The following SUMF1 variants were observed in gnomAD, a reference collection of about 807,000 sequenced individuals.
SUMF1 encodes the protein sulfatase modifying factor 1.
In SUMF1, 48 loss-of-function variants were observed where a neutral mutation model predicts 47.6. The observed-to-expected ratio is 1.01, with a 90% CI of 0.80 to 1.28. The LOEUF (loss-of-function observed/expected upper bound fraction) is 1.28, where lower values mean the gene tolerates loss of function less well. Ranked by LOEUF, SUMF1 falls within the 50% of genes most tolerant of loss-of-function variation. SUMF1 has a pLI of 0.00. For missense variants in SUMF1, 571 were observed against 485.4 expected (o/e 1.18, Z -1.66); for synonymous variants, 230 against 192.1 (o/e 1.20, Z -1.63).
intron 8 of SUMF1, among the ~76,000 whole-genome samples, chr3:4,124,212 T>G (rs1381747936): frequency 6.6e-6 from 1 of 152,100 alleles, no homozygotes; most frequent in Non-Finnish European, 1.5e-5. Context: ...AATAAACAGA[T>G]TTTTCTTTAA....
At chr3:4,396,965 A>G (rs1253507515) in intron 7 of SUMF1, among the ~76,000 whole-genome samples, 1 of 152,258 alleles carries the variant, frequency 6.6e-6, no homozygotes. Flanking sequence ...AACTATTAAG[A>G]GAAAACACAT....
intron 8 of SUMF1, among the ~76,000 whole-genome samples, chr3:4,151,310 G>C (rs1694316903): frequency 6.8e-6 from 1 of 148,008 alleles, no homozygotes; most frequent in South Asian, 2.1e-4. Flanking sequence ...TGCTAGTCTG[G>C]GGTGCTTCTC....
intron 7 of SUMF1, among the ~76,000 whole-genome samples, chr3:4,397,431 C>G (rs1188605095): frequency 6.6e-6 from 1 of 152,206 alleles, no homozygotes; most frequent in African/African-American, 2.4e-5. Flanking sequence ...GAAAAGTAGA[C>G]ACGGTTTAGT....
chr3:4,344,926 G>A (rs1699345267), intron 8 of SUMF1, among the ~76,000 whole-genome samples: 1 of 151,936 alleles, frequency 6.6e-6, no homozygotes, highest in African/African-American at 2.4e-5. Flanking sequence ...GCGGAAGAAA[G>A]GATATAAGAA....
At chr3:4,132,215 C>A (rs1472426976) in intron 8 of SUMF1, among the ~76,000 whole-genome samples, 3 of 152,130 alleles carry the variant, frequency 2.0e-5, no homozygotes, top group East Asian at 1.9e-4. Flanking sequence ...TCACAGAACG[C>A]CTCACCTACC....
chr3:4,390,902 G>C (rs1325629770), intron 7 of SUMF1, among the ~76,000 whole-genome samples: 1 of 152,160 alleles, frequency 6.6e-6, no homozygotes, highest in Non-Finnish European at 1.5e-5. Context: ...TTTATGTGCA[G>C]TGTCCAGAGT....
At chr3:4,088,974 T>C (rs938652644) in intron 8 of SUMF1, among the ~76,000 whole-genome samples, 3 of 152,086 alleles carry the variant, frequency 2.0e-5, no homozygotes, top group African/African-American at 7.3e-5. Context: ...ATAATTTAAG[T>C]CATGGACTAT....
chr3:4,357,577 T>TTTTTTTTA (rs1699647812), downstream of SUMF1, among the ~76,000 whole-genome samples: 1 of 138,732 alleles, frequency 7.2e-6, no homozygotes, highest in South Asian at 2.4e-4. Flanking sequence ...CCCAACCAAC[T>TTTTTTTTA]TTTATTTATT....
intron 8 of SUMF1, among the ~76,000 whole-genome samples, chr3:4,093,731 G>A (rs908387851): frequency 1.2e-4 from 18 of 152,024 alleles, no homozygotes; most frequent in Non-Finnish European, 4.4e-5. Flanking sequence ...GTTTCTTCAG[G>A]CAAAGGAGTC....
At chr3:4,383,629 T>C (rs1164651371) in intron 7 of SUMF1, among the ~76,000 whole-genome samples, 1 of 152,170 alleles carries the variant, frequency 6.6e-6, no homozygotes, top group African/African-American at 2.4e-5. Context: ...AGAACAATAA[T>C]GTCAAAGGTT....
At chr3:4,048,345 C>T (rs1695043896) in intron 9 of SUMF1, among the ~76,000 whole-genome samples, 1 of 152,100 alleles carries the variant, frequency 6.6e-6, no homozygotes, top group African/African-American at 2.4e-5. Context: ...CAGTCAAAAG[C>T]TTATGTTAGT....
intron 8 of SUMF1, among the ~76,000 whole-genome samples, chr3:4,346,510 C>G (rs1290889491): frequency 6.6e-6 from 1 of 152,138 alleles, no homozygotes; most frequent in African/African-American, 2.4e-5. Context: ...ACCAGAATCT[C>G]TGGGACACAG....
In SUMF1 at chr3:4,369,868, G is replaced by C. The variant is rs572953158; in HGVS notation, c.1014+6462C>G. On this transcript the variant is annotated intron_variant, in intron 8 of 8. Transcript: ENST00000272902. ...ATTTAGAGGGGAAGTTGAGAGGATA[G>C]CAAGGCCAGAGCCTGATCATATCAG... Among the ~76,000 whole-genome samples the C allele has an allele frequency of 4.6e-5, 7 of 152,234 alleles. 1 individual carries two copies. The highest frequency in any genetic ancestry group is 1.7e-4 in the African/African-American group (7 of 41,552).
intron 8 of SUMF1, among the ~76,000 whole-genome samples, chr3:4,280,828 T>C (rs1697513888): frequency 3.2e-5 from 1 of 31,314 alleles, no homozygotes; most frequent in African/African-American, 3.1e-4. Context: ...TGTGTGTGTG[T>C]GTGTGTGTGT....
intron 8 of SUMF1, among the ~76,000 whole-genome samples, chr3:4,266,084 T>G (rs1164072750): frequency 1.3e-5 from 2 of 152,202 alleles, no homozygotes; most frequent in East Asian, 3.9e-4. Flanking sequence ...GTTCCATTGA[T>G]CTAGATCTCT....
intron 3 of SUMF1, among the ~76,000 whole-genome samples, chr3:4,435,555 C>G (rs1350323834): frequency 6.6e-6 from 1 of 152,078 alleles, no homozygotes; most frequent in African/African-American, 2.4e-5. Context: ...TCTCAAGAAA[C>G]CCCAAATAGG....
At chr3:4,150,041 A>T (rs1467365107) in intron 8 of SUMF1, among the ~76,000 whole-genome samples, 1 of 152,184 alleles carries the variant, frequency 6.6e-6, no homozygotes, top group South Asian at 2.1e-4. Context: ...TTCTGCTGCT[A>T]AACAAATATC....
chr3:4,303,262 A>T, intron 8 of SUMF1: 1 of 1,264,030 alleles, frequency 7.9e-7, no homozygotes, highest in Non-Finnish European at 1.1e-6. Context: ...TCCTGAGAAG[A>T]AACGAACTAC....
At chr3:4,280,498 AAAAAAACACAGAGG>A (rs1251940047) in intron 8 of SUMF1, among the ~76,000 whole-genome samples, 1 of 152,028 alleles carries the variant, frequency 6.6e-6, no homozygotes, top group Non-Finnish European at 1.5e-5. Context: ...ATAGAGGAAA[AAAAAAACACAGAGG>A]CAGGAACCCC....
Sources: allele counts gnomAD v4.1 joint callset (sites outside exome capture counted in the v4.1 genomes callset), GRCh38; gene constraint gnomAD v4.1.1; transcripts MANE v1.5; gene names NCBI Gene and HGNC (gene_info 2026-07-23, HGNC 2026-07-21).